The following AGBL4 variants were observed in gnomAD, a reference collection of about 807,000 sequenced individuals.
AGBL4 encodes cytosolic carboxypeptidase 6.
AGBL4 carries 58 observed loss-of-function variants against 66.4 expected under a neutral mutation model. That is an observed-to-expected ratio of 0.87 (90% CI 0.71 to 1.09). AGBL4 has a LOEUF of 1.09. Among genes scored for constraint, AGBL4 ranks in the 50% least tolerant of loss-of-function variants. The probability of loss-of-function intolerance (pLI) is 0.00; values close to 1 mark genes in which losing one functional copy is unlikely to be tolerated. For missense variants in AGBL4, 579 were observed against 631.0 expected (o/e 0.92, Z 0.88); for synonymous variants, 234 against 222.9 (o/e 1.05, Z -0.44).
chr1:49,262,879 A>T (rs1428308655), intron 3 of AGBL4, among the ~76,000 whole-genome samples: 6 of 152,202 alleles, frequency 3.9e-5, no homozygotes, highest in African/African-American at 1.4e-4. Context: ...GGCACTATTC[A>T]CAGTAGCAAA....
intron 7 of AGBL4, among the ~76,000 whole-genome samples, chr1:48,660,200 T>A (rs575345155): frequency 2.3e-4 from 35 of 151,934 alleles, no homozygotes; most frequent in African/African-American, 8.4e-4. Flanking sequence ...ACAAGCAGAG[T>A]CTTGAGGAAT....
chr1:48,801,017 G>GT (rs1406482888), intron 6 of AGBL4, among the ~76,000 whole-genome samples: 1 of 151,958 alleles, frequency 6.6e-6, no homozygotes, highest in Non-Finnish European at 1.5e-5. Flanking sequence ...GGGGAGGGTG[G>GT]TTCTCAGGCC....
At chr1:49,269,246 T>G (rs1397814416) in intron 3 of AGBL4, 5 of 152,158 alleles carry the variant, frequency 3.3e-5, no homozygotes, top group African/African-American at 1.2e-4. Context: ...AGAAAAACCA[T>G]CCGGTTGGCC....
chr1:49,656,132 G>A, intron 3 of AGBL4, among the ~76,000 whole-genome samples: 1 of 151,076 alleles, frequency 6.6e-6, no homozygotes, highest in Non-Finnish European at 1.5e-5. Flanking sequence ...GGGCGACAGA[G>A]TGAGACTCCG....
chr1:48,853,592 C>G (rs1448448457), intron 6 of AGBL4, among the ~76,000 whole-genome samples: 1 of 152,158 alleles, frequency 6.6e-6, no homozygotes, highest in Non-Finnish European at 1.5e-5. Flanking sequence ...GGAAGTAAGG[C>G]ACTGAAAACT....
chr1:49,305,983 C>A (rs1171202128), intron 3 of AGBL4, among the ~76,000 whole-genome samples: 1 of 152,164 alleles, frequency 6.6e-6, no homozygotes, highest in Non-Finnish European at 1.5e-5. Context: ...AGCCACCGTG[C>A]CTGGCCGGAA....
At chr1:48,912,352 C>T (rs992166627) in intron 5 of AGBL4, among the ~76,000 whole-genome samples, 1 of 152,164 alleles carries the variant, frequency 6.6e-6, no homozygotes, top group Non-Finnish European at 1.5e-5. Context: ...ACAAGCCATA[C>T]AGAGGATTGA....
chr1:49,554,070 C>T (rs1294117195), intron 3 of AGBL4, among the ~76,000 whole-genome samples: 1 of 152,100 alleles, frequency 6.6e-6, no homozygotes, highest in African/African-American at 2.4e-5. Context: ...GAGTTCCAGG[C>T]AGCAGTGAGG....
chr1:49,096,953 G>A (rs1475646334), intron 4 of AGBL4, among the ~76,000 whole-genome samples: 1 of 152,054 alleles, frequency 6.6e-6, no homozygotes, highest in Non-Finnish European at 1.5e-5. Context: ...AGAATGTAAG[G>A]CTAATGTAGC....
At chr1:49,939,385 A>G (rs996940187) in intron 1 of AGBL4, among the ~76,000 whole-genome samples, 2 of 152,182 alleles carry the variant, frequency 1.3e-5, no homozygotes, top group Non-Finnish European at 2.9e-5. Flanking sequence ...AAACGAGCCC[A>G]CATTGCCAAG....
At chr1:48,792,161 C>T (rs149465441) in intron 6 of AGBL4, among the ~76,000 whole-genome samples, 1 of 152,238 alleles carries the variant, frequency 6.6e-6, no homozygotes, top group African/African-American at 2.4e-5. Flanking sequence ...GACAGAGACA[C>T]ATAGGAGGAA....
chr1:48,634,869 C>T (rs1036485694), intron 8 of AGBL4, among the ~76,000 whole-genome samples: 2 of 152,208 alleles, frequency 1.3e-5, no homozygotes, highest in Non-Finnish European at 2.9e-5. Flanking sequence ...GGTGTAGCCT[C>T]ATGTCAGCAT....
At chr1:49,429,258 A>G (rs1430832957) in intron 3 of AGBL4, among the ~76,000 whole-genome samples, 1 of 152,224 alleles carries the variant, frequency 6.6e-6, no homozygotes, top group African/African-American at 2.4e-5. Context: ...ATAAAAATTT[A>G]CATCAATAGT....
chr1:49,396,217 T>A (rs978399500), intron 3 of AGBL4, among the ~76,000 whole-genome samples: 27 of 152,066 alleles, frequency 1.8e-4, no homozygotes, highest in Non-Finnish European at 7.4e-5. Context: ...TCTTGGAATG[T>A]GTGTGCCCCA....
chr1:49,272,336 T>C (rs953596906), intron 3 of AGBL4, among the ~76,000 whole-genome samples: 2 of 152,160 alleles, frequency 1.3e-5, no homozygotes, highest in African/African-American at 4.8e-5. Context: ...ATGCTAATAA[T>C]TTAAATTATT....
chr1:49,937,524 C>T (rs570090241), intron 1 of AGBL4, among the ~76,000 whole-genome samples: 4 of 152,226 alleles, frequency 2.6e-5, no homozygotes, highest in African/African-American at 9.6e-5. Context: ...CACCCCAAAT[C>T]AACAGAATAT....
chr1:48,607,755 C>T (rs1459916816), intron 9 of AGBL4, among the ~76,000 whole-genome samples: 2 of 152,168 alleles, frequency 1.3e-5, no homozygotes, highest in Admixed American at 6.5e-5. Flanking sequence ...CTTTTATACA[C>T]ACAAACTCAC....
chr1:49,728,072 T>C (rs1045434947), intron 2 of AGBL4, among the ~76,000 whole-genome samples: 4 of 152,150 alleles, frequency 2.6e-5, no homozygotes, highest in Non-Finnish European at 5.9e-5. Flanking sequence ...AGCCCCAAAG[T>C]AGTTTTCAAG....
intron 4 of AGBL4, among the ~76,000 whole-genome samples, chr1:49,077,375 G>T (rs985683979): frequency 6.6e-6 from 1 of 152,088 alleles, no homozygotes; most frequent in Non-Finnish European, 1.5e-5. Context: ...TCCATACAAT[G>T]CGTTCTGTGA....
Sources: gnomAD v4.1 joint callset for allele counts (sites outside exome capture counted in the v4.1 genomes callset) on GRCh38, gnomAD v4.1.1 for gene constraint, MANE v1.5 for transcripts, NCBI Gene and HGNC (gene_info 2026-07-23, HGNC 2026-07-21) for gene names.